IHO1: variants seen among roughly 807,000 people sequenced by gnomAD.
IHO1 encodes the protein interactor of HORMAD1 1.
Under a neutral mutation model 31.0 loss-of-function variants are expected in IHO1, and 13 were observed. The observed-to-expected ratio is 0.42, with a 90% CI of 0.27 to 0.67. The LOEUF is 0.67. Ranked by LOEUF, IHO1 falls within the 30% of genes least tolerant of loss-of-function variation. The pLI, the probability that IHO1 is intolerant of heterozygous loss-of-function variation, is 0.24. For synonymous variants in IHO1, 221 were observed against 248.4 expected, an observed-to-expected ratio of 0.89 and a Z score of 1.04; for missense variants, 599 against 687.5, an observed-to-expected ratio of 0.87 and a Z score of 1.44.
chr3:49,213,973 G>A, intron 2 of IHO1: 1 of 418,588 alleles, frequency 2.4e-6, no homozygotes, highest in Non-Finnish European at 5.0e-6. Flanking sequence ...AGCGAGGGCT[G>A]CCAGCATGCT....
chr3:49,255,382 G>A lies in IHO1; in HGVS notation c.533-8G>A. ...TCAGGAGGTGAACTGTCACTGTTTT[G>A]TATTTAGTACAAGAGACTATACAGG... is the stretch of plus-strand genomic sequence containing the variant. On this transcript the variant is annotated splice_polypyrimidine_tract_variant and splice_region_variant and intron_variant, in intron 6 of 7. Coordinates refer to ENST00000452691, the MANE Select transcript of IHO1 (RefSeq NM_001135197.2). 1.9e-6 allele frequency: 3 copies of A among 1,576,400 alleles called. No individual in the cohort carries two copies. The highest frequency in any genetic ancestry group is 2.3e-5 in the South Asian group (2 of 85,596).
intron 2 of IHO1, among the ~76,000 whole-genome samples, chr3:49,220,954 C>G (rs543758023): frequency 6.6e-6 from 1 of 152,204 alleles, no homozygotes; most frequent in African/African-American, 2.4e-5. Context: ...GGGACCCGAA[C>G]GGGTTGCCGC....
chr3:49,212,461 G>C (rs953103541), intron 2 of IHO1, among the ~76,000 whole-genome samples: 3 of 149,438 alleles, frequency 2.0e-5, no homozygotes, highest in Admixed American at 6.7e-5. Flanking sequence ...GCTTGTGGTG[G>C]GCTGAGATTG....
rs753084605 is a variant in IHO1, at chr3:49,227,919, C to T, written c.57-8629C>T. Among the ~76,000 whole-genome samples the T allele has an allele frequency of 1.8e-4, 28 of 152,116 alleles. 1 individual carries two copies. The highest frequency in any genetic ancestry group is 1.0e-3 in the Admixed American group (16 of 15,268). ...CTAAAATTCCAGATAGTCCCCCCTA[C>T]GACGGAGCTTTGGGCAAAAATTATG... On this transcript the variant is annotated intron_variant, in intron 2 of 7. Transcript: ENST00000452691.
At chr3:49,191,640 T>C in the IHO1 span, 1 of 1,309,096 alleles carries the variant, frequency 7.6e-7, no homozygotes, top group Non-Finnish European at 1.1e-6. Context: ...CTATTCCAGG[T>C]TGGATGCCAA....
intron 4 of IHO1, among the ~76,000 whole-genome samples, 169 bp downstream of exon 4, chr3:49,241,558 C>A (rs2046631686): frequency 6.6e-6 from 1 of 151,888 alleles, no homozygotes; most frequent in Admixed American, 6.6e-5. Context: ...CACACACACA[C>A]ACAGACACAC....
intron 6 of IHO1, among the ~76,000 whole-genome samples, chr3:49,249,517 C>G (rs2046735666): frequency 6.6e-6 from 1 of 152,262 alleles, no homozygotes; most frequent in East Asian, 1.9e-4. Context: ...ATCCACCTAC[C>G]TCAGCCTCCC....
rs767734515 is a variant in IHO1, at chr3:49,238,829, T to C, written c.231+2107T>C. The stretch of plus-strand genomic sequence containing the variant: ...AGGATTATCAAAGGGGAGGGGGAAG[T>C]TGGGAAAAGAGAAAAACCTGCTTTC... On this transcript the variant is annotated intron_variant, in intron 3 of 7. Transcript: ENST00000452691. Among the ~76,000 whole-genome samples, 30 of 151,928 alleles carry C rather than the reference T, an allele frequency of 2.0e-4. 2 individuals carry two copies. Among genetic ancestry groups the C allele is most frequent in the Non-Finnish European group, 8.8e-5 (6 of 67,972 alleles).
At chr3:49,205,801 G>C (rs1287820777) in intron 1 of IHO1, among the ~76,000 whole-genome samples, 6 of 121,670 alleles carry the variant, frequency 4.9e-5, no homozygotes, top group Non-Finnish European at 9.9e-5. Flanking sequence ...ATGGGGTCTT[G>C]CTCTGTCGCC....
In IHO1 at chr3:49,256,770, TTGG is replaced by T. The variant is rs1559455246; in HGVS notation, c.1276_1278del (p.Val426del). 6.2e-7 allele frequency: 1 copy of T among 1,614,196 alleles called. No individual in the cohort carries two copies. Among genetic ancestry groups the T allele is most frequent in the East Asian group, 2.2e-5 (1 of 44,886 alleles). On this transcript the variant is annotated inframe_deletion, in exon 8 of 8. Coordinates refer to ENST00000452691, the MANE Select transcript of IHO1 (RefSeq NM_001135197.2). This position sits in a 1 kb window ranked among gnomAD's most constrained non-coding sequence, Gnocchi z 4.6. The stretch of plus-strand genomic sequence containing the variant: ...GTTTTTGTGTGACCCACGTGAACAT[TTGG>T]TGATTAAACAGAAAGATGGGACTGT...
intron 2 of IHO1, among the ~76,000 whole-genome samples, chr3:49,229,313 C>G (rs1251284489): frequency 1.3e-5 from 2 of 152,162 alleles, no homozygotes; most frequent in African/African-American, 4.8e-5. Context: ...CGCAAAAGTT[C>G]CAACGGGTCT....
chr3:49,200,520 G>GAAAGAAAGA (rs2046055051), intron 1 of IHO1: 1 of 647,620 alleles, frequency 1.5e-6, no homozygotes, highest in East Asian at 2.3e-4. Context: ...AGAAAGAAAA[G>GAAAGAAAGA]AAAAAAGATT....
chr3:49,211,649 T>G, intron 1 of IHO1, 117 bp from the exon 2 acceptor site: 2 of 389,182 alleles, frequency 5.1e-6, no homozygotes, highest in South Asian at 3.9e-5. Flanking sequence ...AAATTTTCAC[T>G]AATTGGATGG....
intron 4 of IHO1, among the ~76,000 whole-genome samples, chr3:49,242,937 G>T (rs1177726673): frequency 6.6e-6 from 1 of 152,052 alleles, no homozygotes; most frequent in African/African-American, 2.4e-5. Context: ...ATATGTGCAG[G>T]TTTGTTACAT....
At chr3:49,247,471 A>G (rs2046708813) in intron 6 of IHO1, among the ~76,000 whole-genome samples, 1 of 150,644 alleles carries the variant, frequency 6.6e-6, no homozygotes, top group Non-Finnish European at 1.5e-5. Context: ...ACCTCAGGTG[A>G]TCAGCCTGTT....
At chr3:49,232,938 A>G (rs577124191) in intron 2 of IHO1, among the ~76,000 whole-genome samples, 3 of 152,310 alleles carry the variant, frequency 2.0e-5, no homozygotes, top group Admixed American at 2.0e-4. Flanking sequence ...TGGTCTCAGT[A>G]TTTACCATAA....
intron 2 of IHO1, among the ~76,000 whole-genome samples, chr3:49,227,925 A>C (rs2046435386): frequency 6.6e-6 from 1 of 152,070 alleles, no homozygotes; most frequent in African/African-American, 2.4e-5. Flanking sequence ...CCTACGACGG[A>C]GCTTTGGGCA....
intron 1 of IHO1, among the ~76,000 whole-genome samples, chr3:49,205,634 C>T (rs994358076): frequency 7.3e-5 from 11 of 151,240 alleles, no homozygotes; most frequent in African/African-American, 9.7e-5. Context: ...TGCTCTGTTA[C>T]CCAGGCTGGA....
intron 6 of IHO1, among the ~76,000 whole-genome samples, chr3:49,248,064 G>C (rs1575586981): frequency 6.7e-6 from 1 of 148,610 alleles, no homozygotes. Context: ...GGTGGAGGTT[G>C]TAGTGAGCCG....
Sources: gnomAD v4.1 joint callset for allele counts (sites outside exome capture counted in the v4.1 genomes callset) on GRCh38, gnomAD v4.1.1 for gene constraint, Gnocchi (gnomAD v3.1) non-coding constraint, MANE v1.5 for transcripts, NCBI Gene and HGNC (gene_info 2026-07-23, HGNC 2026-07-21) for gene names.